Variants in NDUFA9 observed in about 807,000 individuals in gnomAD.
The protein encoded by NDUFA9 is NADH:ubiquinone oxidoreductase subunit A9.
In NDUFA9, 23 loss-of-function variants were observed where a neutral mutation model predicts 45.9. The ratio of observed to expected loss-of-function variants is 0.50; its 90% CI spans 0.36 to 0.71. The LOEUF is 0.71. Among genes scored for constraint, NDUFA9 ranks in the 30% least tolerant of loss-of-function variants. The probability of loss-of-function intolerance (pLI) is 0.00; values close to 1 mark genes in which losing one functional copy is unlikely to be tolerated. For missense variants in NDUFA9, 466 were observed against 488.2 expected (o/e 0.95, Z 0.43); for synonymous variants, 176 against 170.5 (o/e 1.03, Z -0.25).
At chr12:4,686,302 G>A (rs1191813522) in intron 10 of NDUFA9, among the ~76,000 whole-genome samples, 2 of 152,074 alleles carry the variant, frequency 1.3e-5, no homozygotes, top group Non-Finnish European at 2.9e-5. Context: ...TAATAATCTG[G>A]GATGTTTGCA....
chr12:4,649,273 C>T, intron 1 of NDUFA9, 98 bp downstream of exon 1: 4 of 1,362,476 alleles, frequency 2.9e-6, no homozygotes, highest in Non-Finnish European at 4.1e-6. Flanking sequence ...ACGCCAACTT[C>T]CTAGGCACAC....
chr12:4,649,817 G>T (rs1428741461), intron 1 of NDUFA9, among the ~76,000 whole-genome samples: 1 of 152,076 alleles, frequency 6.6e-6, no homozygotes. Context: ...AAGAATGAAG[G>T]CTATGTTAGA....
At chr12:4,673,671 G>A (rs1370341974) in intron 8 of NDUFA9, among the ~76,000 whole-genome samples, 1 of 152,130 alleles carries the variant, frequency 6.6e-6, no homozygotes, top group Non-Finnish European at 1.5e-5. Flanking sequence ...AGAAATATGG[G>A]CCTGTGTGAA....
intron 8 of NDUFA9, among the ~76,000 whole-genome samples, chr12:4,681,002 T>A (rs989689661): frequency 2.0e-5 from 3 of 152,172 alleles, no homozygotes; most frequent in Non-Finnish European, 2.9e-5. Context: ...AGGGTGACAT[T>A]TCAGTATAGG....
chr12:4,655,041 C>T (rs1009634367), intron 3 of NDUFA9, 119 bp downstream of exon 3: 1 of 726,258 alleles, frequency 1.4e-6, no homozygotes, highest in Non-Finnish European at 2.2e-6. Context: ...AAGGCATCCT[C>T]TGTTCCCAGG....
chr12:4,678,814 A>G (rs1183879177), intron 8 of NDUFA9, among the ~76,000 whole-genome samples: 1 of 152,206 alleles, frequency 6.6e-6, no homozygotes. Flanking sequence ...ACCTTCATAC[A>G]TTGCTGGTAG....
chr12:4,661,483 G>T (rs1945822681), intron 5 of NDUFA9, among the ~76,000 whole-genome samples: 1 of 152,010 alleles, frequency 6.6e-6, no homozygotes, highest in African/African-American at 2.4e-5. Flanking sequence ...TTATTTTCCT[G>T]CCAGCTGCTC....
At chr12:4,653,211 G>T (rs1437131327) in intron 1 of NDUFA9, among the ~76,000 whole-genome samples, 1 of 152,232 alleles carries the variant, frequency 6.6e-6, no homozygotes, top group East Asian at 1.9e-4. Context: ...AAGAATATTT[G>T]ACAGGACAGG....
At chr12:4,660,635 C>A (rs11614014) in intron 5 of NDUFA9, among the ~76,000 whole-genome samples, 41,999 of 151,924 alleles carry the variant, frequency 0.28, 6,032 homozygotes, top group Middle Eastern at 0.36. Flanking sequence ...CCAAACCAAT[C>A]AAACAGAAAG....
intron 1 of NDUFA9, among the ~76,000 whole-genome samples, chr12:4,651,185 A>G (rs907317003): frequency 3.9e-5 from 6 of 152,188 alleles, no homozygotes; most frequent in African/African-American, 1.4e-4. Context: ...GTGCAAGCAA[A>G]TATGTCTGGA....
Position 4,668,504 on chromosome 12 carries a change from A to G in NDUFA9, c.703A>G (p.Thr235Ala), listed in dbSNP as rs781209611. The G allele has an allele frequency of 3.1e-6, 5 of 1,613,036 alleles. No individual in the cohort carries two copies. The highest frequency in any genetic ancestry group is 3.3e-4 in the Middle Eastern group (2 of 6,056). ...PIPLGSLGWK[T>A]VKQPVYVVDV... The stretch of plus-strand genomic sequence containing the variant: ...ACCCCTTGGTTCCTTGGGCTGGAAG[A>G]CAGTTAAACAACCAGTATATGTAAG... The change falls in exon 7 of 11, where the codon ACA becomes GCA. Residue 235 changes from threonine (T) to alanine (A), a missense_variant. Thr to Ala is a moderately conservative substitution (Grantham distance 58). Coordinates refer to ENST00000266544, the MANE Select transcript of NDUFA9 (RefSeq NM_005002.5).
At chr12:4,685,489 A>T (rs1945980271) in intron 10 of NDUFA9, among the ~76,000 whole-genome samples, 164 bp downstream of exon 10, 1 of 152,036 alleles carries the variant, frequency 6.6e-6, no homozygotes, top group Non-Finnish European at 1.5e-5. Flanking sequence ...GCCCTGCTCC[A>T]GGGGGCGGCT....
In NDUFA9 at chr12:4,675,591, C is replaced by T. The variant is rs563502801; in HGVS notation, c.800+5774C>T. On this transcript the variant is annotated intron_variant, in intron 8 of 10. Transcript: ENST00000266544. ...TGGATAGGTTCCTGGACACATACCCCCTCCCAAGACTAAACCAGGAAGAAA... is the reference window on the plus strand; with the variant it reads ...TGGATAGGTTCCTGGACACATACCCTCTCCCAAGACTAAACCAGGAAGAAA... Among the ~76,000 whole-genome samples, 22 of 152,176 alleles carry T rather than the reference C, an allele frequency of 1.4e-4. No homozygotes were observed. In the South Asian group the frequency reaches 3.3e-3, roughly 23 times the overall value.
intron 8 of NDUFA9, among the ~76,000 whole-genome samples, chr12:4,670,157 A>G (rs986753189): frequency 3.3e-5 from 5 of 152,244 alleles, no homozygotes; most frequent in Non-Finnish European, 5.9e-5. Context: ...AAGTATGGTT[A>G]TAAAACCACA....
At chr12:4,653,978 A>G (rs1357440333) in intron 1 of NDUFA9, among the ~76,000 whole-genome samples, 1 of 151,750 alleles carries the variant, frequency 6.6e-6, no homozygotes, top group Non-Finnish European at 1.5e-5. Context: ...TTGCTCATTT[A>G]TTACATATTC....
chr12:4,661,893 G>T (rs1282527353), intron 5 of NDUFA9, among the ~76,000 whole-genome samples: 12 of 152,038 alleles, frequency 7.9e-5, no homozygotes, highest in Admixed American at 7.9e-4. Flanking sequence ...TGGTAGAGGT[G>T]GAAGGAAGAG....
At position 4,671,295 on chromosome 12, in the gene NDUFA9, T is replaced by A. The variant is rs1248248355; in HGVS notation, c.800+1478T>A. Among the ~76,000 whole-genome samples the A allele has an allele frequency of 2.0e-5, 3 of 152,022 alleles. No individual in the cohort carries two copies. The East Asian group carries it at 5.8e-4, about 29-fold the overall frequency. ...ACAACTGTGATGATGAATAAACACA[T>A]TCAGCAAAATCACGATGTATAAGAT... On this transcript the variant is annotated intron_variant, in intron 8 of 10. Coordinates refer to ENST00000266544, the MANE Select transcript of NDUFA9 (RefSeq NM_005002.5).
At chr12:4,675,149 T>C (rs928224653) in intron 8 of NDUFA9, among the ~76,000 whole-genome samples, 1 of 152,202 alleles carries the variant, frequency 6.6e-6, no homozygotes, top group Non-Finnish European at 1.5e-5. Flanking sequence ...CCAGAATCTC[T>C]GGAGCACATT....
chr12:4,680,917 A>T (rs1016221995), intron 8 of NDUFA9, among the ~76,000 whole-genome samples: 1 of 152,220 alleles, frequency 6.6e-6, no homozygotes, highest in African/African-American at 2.4e-5. Flanking sequence ...AATCGTACAG[A>T]ACTATTCAGA....
Sources: gnomAD v4.1 joint callset for allele counts (sites outside exome capture counted in the v4.1 genomes callset) on GRCh38, gnomAD v4.1.1 for gene constraint, MANE v1.5 for transcripts, NCBI Gene and HGNC (gene_info 2026-07-23, HGNC 2026-07-21) for gene names.